The following UCP1 variants were observed in gnomAD, a reference collection of about 807,000 sequenced individuals.
UCP1 encodes the protein mitochondrial brown fat uncoupling protein 1.
A neutral mutation model predicts 26.2 loss-of-function variants in UCP1; 24 were observed. The observed-to-expected ratio is 0.92, with a 90% confidence interval of 0.66 to 1.29. UCP1 has a LOEUF of 1.29. UCP1 is among the 50% of genes most tolerant of loss of function. UCP1 has a pLI of 0.00. For synonymous variants in UCP1, 164 were observed against 156.8 expected, an observed-to-expected ratio of 1.05 and a Z score of -0.34; for missense variants, 402 against 388.7, an observed-to-expected ratio of 1.03 and a Z score of -0.29.
intron 2 of UCP1, 52 bp from the exon 3 acceptor site, chr4:140,563,570 G>A: frequency 1.3e-6 from 2 of 1,503,238 alleles, no homozygotes; most frequent in Non-Finnish European, 9.1e-7. Flanking sequence ...GACCTAGAAT[G>A]CATGCATGTC....
In UCP1 at chr4:140,567,865, G is replaced by GC. The variant is rs1560846236; in HGVS notation, c.238dup (p.Ala80GlyfsTer33). On this transcript the variant is annotated frameshift_variant, in exon 2 of 6. Transcript: ENST00000262999. LOFTEE classifies it high-confidence loss of function. Reference sequence around the variant, plus strand: ...GGAGCTGATTTGCCGCTGAAGCCCCGCAGGCAGCCCGCTGTAGAGTTTCAT... The same window carrying GC: ...GGAGCTGATTTGCCGCTGAAGCCCCGCCAGGCAGCCCGCTGTAGAGTTTCAT... The GC allele has an allele frequency of 1.2e-6, 2 of 1,614,130 alleles. No individual in the cohort carries two copies.
At chr4:140,564,373 A>G (rs1038578149) in intron 2 of UCP1, among the ~76,000 whole-genome samples, 1 of 152,212 alleles carries the variant, frequency 6.6e-6, no homozygotes, top group African/African-American at 2.4e-5. Context: ...TATGTTGCTC[A>G]AGACAGATTT....
chr4:140,562,282 A>T lies in UCP1; in HGVS notation c.720T>A (p.Phe240Leu). ...SSPVDVVKTR[F>L]INSPPGQYKS... The stretch of plus-strand genomic sequence containing the variant: ...TGTACTGTCCTGGTGGAGAATTAAT[A>T]AATCTGGTTTTTACTACATCCACCG... Residue 240 changes from phenylalanine (F) to leucine (L), a missense_variant, in exon 5 of 6, where the codon TTT becomes TTA. Physicochemically the swap from Phe to Leu is conservative, Grantham distance 22. Transcript: ENST00000262999. 1 of 1,614,164 alleles carries T rather than the reference A, an allele frequency of 6.2e-7. No individual in the cohort carries two copies.
At position 140,563,440 on chromosome 4, in the gene UCP1, T is replaced by C. The variant is rs763701059; in HGVS notation, c.404A>G (p.Glu135Gly). ...TGCTTGAAGTCTGACTTTCACGACC[T>C]CTGTGGGTTGCCCAATGAATACTGC... ...GVAVFIGQPT[E>G]VVKVRLQAQS... Residue 135 changes from glutamate (E) to glycine (G), a missense_variant, in exon 3 of 6, where the codon GAG (glutamate) becomes GGG (glycine). Glu to Gly is a moderately conservative substitution (Grantham distance 98). Coordinates refer to ENST00000262999, the MANE Select transcript of UCP1 (RefSeq NM_021833.5). 8 of 1,614,156 alleles carry C rather than the reference T, an allele frequency of 5.0e-6. No homozygotes were observed. The Admixed American group carries it at 1.3e-4, about 27-fold the overall frequency.
chr4:140,568,066 T>C, intron 1 of UCP1, 89 bp from the exon 2 acceptor site: 1 of 1,423,358 alleles, frequency 7.0e-7, no homozygotes, highest in Admixed American at 1.7e-5. Flanking sequence ...ATTTTCCGTT[T>C]CTTTTCTCAG....
intron 5 of UCP1, among the ~76,000 whole-genome samples, chr4:140,561,725 G>A (rs143604530): frequency 1.4e-3 from 213 of 152,278 alleles, no homozygotes; most frequent in Admixed American, 2.6e-3. Context: ...TTGTTTCTAG[G>A]TGAGTGTAAT....
intron 1 of UCP1, 23 bp downstream of exon 1, chr4:140,568,581 G>A: frequency 6.2e-7 from 1 of 1,613,630 alleles, no homozygotes; most frequent in South Asian, 1.1e-5. Context: ...GAGACCCCTT[G>A]TCTTACCCCT....
In UCP1 at chr4:140,568,108, CGTGTGTGTGTGTGTGTGT is replaced by C. The variant is rs3138733; in HGVS notation, c.127-149_127-132del. 4,193 of 638,808 alleles carry C rather than the reference CGTGTGTGTGTGTGTGTGT, an allele frequency of 6.6e-3. 54 individuals are homozygous for C. Among genetic ancestry groups the C allele is most frequent in the African/African-American group, 0.044 (2,268 of 51,124 alleles). The allele number at this position is 638,808 out of a possible 1,614,324, so 39.6% of individuals were successfully genotyped here. ...TCCTCTTCCATCCACCTCCCTCTAC[CGTGTGTGTGTGTGTGTGT>C]GTGTGTGTGTGTGTGTGTGTGTGTG... On this transcript the variant is annotated intron_variant, in intron 1 of 5. Transcript: ENST00000262999.
intron 5 of UCP1, among the ~76,000 whole-genome samples, chr4:140,561,351 CCTT>C (rs1219695902): frequency 1.3e-5 from 2 of 152,012 alleles, no homozygotes; most frequent in African/African-American, 4.8e-5. Flanking sequence ...ATTTTCTCCT[CCTT>C]CTCCTTCTTC....
Position 140,560,023 on chromosome 4 carries a change from A to C in UCP1, c.810-13T>G. On this transcript the variant is annotated splice_polypyrimidine_tract_variant and intron_variant, in intron 5 of 5. Coordinates refer to ENST00000262999, the MANE Select transcript of UCP1 (RefSeq NM_021833.5). ...GGAAGGTACCAACCTAGAAAAGTGC[A>C]TGTCATCGTTCGATTAATTTGTTTG... 5 of 1,597,998 alleles carry C rather than the reference A, an allele frequency of 3.1e-6. No individual in the cohort carries two copies. The highest frequency in any genetic ancestry group is 4.3e-6 in the Non-Finnish European group (5 of 1,165,588).
At position 140,567,825 on chromosome 4, in the gene UCP1, G is replaced by T. The variant is rs1443470045; in HGVS notation, c.279C>A (p.Ile93=). ...ACTCCTGGACCGTGTCGTAGAGGCC[G>T]ATCCTGAGAGAGGCGGAGCTGATTT... is the stretch of plus-strand genomic sequence containing the variant. ...QRQISSASLR[I]GLYDTVQEFL... Residue 93 remains isoleucine, a synonymous_variant, in exon 2 of 6, where the codon ATC becomes ATA. Transcript: ENST00000262999. 6 of 1,614,134 alleles carry T rather than the reference G, an allele frequency of 3.7e-6. No homozygotes were observed. In the Middle Eastern group the frequency reaches 6.6e-4, roughly 178 times the overall value.
chr4:140,559,859 T>C lies in UCP1; in HGVS notation c.*37A>G. The stretch of plus-strand genomic sequence containing the variant: ...TGTTTTTATGATCCAGTCAGCAAGA[T>C]TCCCACTGGTATGTTACATCATTTT... On this transcript the variant is annotated 3_prime_UTR_variant, in exon 6 of 6. Transcript: ENST00000262999. 1 of 1,507,690 alleles carries C rather than the reference T, an allele frequency of 6.6e-7. No individual in the cohort carries two copies. Among genetic ancestry groups the C allele is most frequent in the Non-Finnish European group, 9.2e-7 (1 of 1,083,192 alleles). 93.4% of individuals were successfully genotyped at this position (1,507,690 alleles called of 1,614,324 possible).
At position 140,563,409 on chromosome 4, in the gene UCP1, G is replaced by T. The variant is rs747183810; in HGVS notation, c.435C>A (p.Ser145Arg). Residue 145 changes from serine to arginine, a missense_variant, in exon 3 of 6, where the codon AGC (serine) becomes AGA (arginine). By Grantham distance (110) the Ser-to-Arg change is moderately radical. Transcript: ENST00000262999. ...EVVKVRLQAQSHLHGIKPRYT... is the reference protein window; with the variant it reads ...EVVKVRLQAQRHLHGIKPRYT... ...AGCGAGGTTTGATTCCGTGGAGATG[G>T]CTCTGTGCTTGAAGTCTGACTTTCA... The T allele has an allele frequency of 6.2e-7, 1 of 1,614,018 alleles. No individual in the cohort carries two copies. The highest frequency in any genetic ancestry group is 1.1e-5 in the South Asian group (1 of 91,078).
Position 140,568,627 on chromosome 4 carries a change from C to T in UCP1, c.103G>A (p.Asp35Asn), listed in dbSNP as rs778654135. The T allele has an allele frequency of 6.2e-7, 1 of 1,613,394 alleles. No individual in the cohort carries two copies. Among genetic ancestry groups the T allele is most frequent in the Non-Finnish European group, 8.5e-7 (1 of 1,179,890 alleles). The part of the protein sequence containing the change: ...CLADVITFPL[D>N]TAKVRLQVQG... Reference sequence around the variant, plus strand: ...ACCTGGAGCCGGACTTTGGCCGTGTCCAGCGGGAAGGTGATCACGTCCGCC... The same window carrying T: ...ACCTGGAGCCGGACTTTGGCCGTGTTCAGCGGGAAGGTGATCACGTCCGCC... Residue 35 changes from aspartate (D) to asparagine (N), a missense_variant, in exon 1 of 6, where the codon GAC (aspartate) becomes AAC (asparagine). Asp to Asn is a conservative substitution (Grantham distance 23). Transcript: ENST00000262999.
At position 140,563,526 on chromosome 4, in the gene UCP1, G is replaced by A. The variant is rs892198761; in HGVS notation, c.326-8C>T. 3.5e-5 allele frequency: 56 copies of A among 1,610,396 alleles called. No individual in the cohort carries two copies. The highest frequency in any genetic ancestry group is 4.7e-5 in the Non-Finnish European group (56 of 1,179,260). ...TTCCTAAACTAGGTGCTGCTATCCA[G>A]AGAGAAAAAAAATTATTAAGAAAAA... On this transcript the variant is annotated splice_polypyrimidine_tract_variant and splice_region_variant and intron_variant, in intron 2 of 5. Coordinates refer to ENST00000262999, the MANE Select transcript of UCP1 (RefSeq NM_021833.5).
rs758145835 is a variant in UCP1 at position 140,567,842 on chromosome 4, A to C, written c.262T>G (p.Ser88Ala). 37 of 1,613,940 alleles carry C rather than the reference A, an allele frequency of 2.3e-5. 1 individual carries two copies. Among genetic ancestry groups the C allele is most frequent in the East Asian group, 2.2e-4 (10 of 44,862 alleles). The change falls in exon 2 of 6, where the codon TCC becomes GCC. Residue 88 changes from serine to alanine, a missense_variant. Physicochemically the swap from Ser to Ala is moderately conservative, Grantham distance 99. Coordinates refer to ENST00000262999, the MANE Select transcript of UCP1 (RefSeq NM_021833.5). ...TAGAGGCCGATCCTGAGAGAGGCGG[A>C]GCTGATTTGCCGCTGAAGCCCCGCA... ...LPAGLQRQIS[S>A]ASLRIGLYDT...
chr4:140,567,805 T>A lies in UCP1; in HGVS notation c.299A>T (p.Gln100Leu). ...TTCTTTCCCTGCGGTGAGGAACTCC[T>A]GGACCGTGTCGTAGAGGCCGATCCT... is the stretch of plus-strand genomic sequence containing the variant. Reference protein sequence around the residue: ...SLRIGLYDTVQEFLTAGKETA... With the variant: ...SLRIGLYDTVLEFLTAGKETA... Residue 100 changes from glutamine to leucine, a missense_variant, in exon 2 of 6, where the codon CAG becomes CTG. By Grantham distance (113) the Gln-to-Leu change is moderately radical (BLOSUM62 -2). Coordinates refer to ENST00000262999, the MANE Select transcript of UCP1 (RefSeq NM_021833.5). 6.2e-7 allele frequency: 1 copy of A among 1,614,154 alleles called. No individual in the cohort carries two copies.
rs778934896 is a variant in UCP1, at chr4:140,563,339, C to T, written c.505G>A (p.Gly169Ser). Reference protein sequence around the residue: ...NAYRIIATTEGLTGLWKGTTP... With the variant: ...NAYRIIATTESLTGLWKGTTP... Reference sequence around the variant, plus strand: ...TTACCTTTCCAAAGACCCGTCAAGCCTTCGGTTGTTGCTATTATTCTGTAC... The same window carrying T: ...TTACCTTTCCAAAGACCCGTCAAGCTTTCGGTTGTTGCTATTATTCTGTAC... Residue 169 changes from glycine (G) to serine (S), a missense_variant, in exon 3 of 6, where the codon GGC becomes AGC. Transcript: ENST00000262999. 2.5e-6 allele frequency: 4 copies of T among 1,614,006 alleles called. No homozygotes were observed. The highest frequency in any genetic ancestry group is 3.4e-6 in the Non-Finnish European group (4 of 1,180,030).
intron 1 of UCP1, 135 bp from the exon 2 acceptor site, chr4:140,568,112 T>A: frequency 5.6e-5 from 1 of 17,824 alleles, no homozygotes; most frequent in Non-Finnish European, 1.2e-4. Flanking sequence ...CTCTACCGTG[T>A]GTGTGTGTGT....
Sources: allele counts gnomAD v4.1 joint callset (sites outside exome capture counted in the v4.1 genomes callset), GRCh38; gene constraint gnomAD v4.1.1; transcripts MANE v1.5; gene names NCBI Gene and HGNC (gene_info 2026-07-23, HGNC 2026-07-21).